Variants in DGKZ observed in about 807,000 individuals in gnomAD.
DGKZ encodes DAG kinase zeta.
Under a neutral mutation model 142.5 loss-of-function variants are expected in DGKZ, and 45 were observed. That is an observed-to-expected ratio of 0.32 (90% CI 0.25 to 0.40). The LOEUF (loss-of-function observed/expected upper bound fraction) is 0.40. Ranked by LOEUF, DGKZ falls within the 10% of genes least tolerant of loss-of-function variation. The probability of loss-of-function intolerance (pLI) is 1.00; values close to 1 mark genes in which losing one functional copy is unlikely to be tolerated. For missense variants in DGKZ, 755 were observed against 1,306.5 expected, an observed-to-expected ratio of 0.58 and a Z score of 6.51; for synonymous variants, 442 against 527.0, an observed-to-expected ratio of 0.84 and a Z score of 2.21.
At chr11:46,363,482 C>T (rs1942907524) in intron 1 of DGKZ, among the ~76,000 whole-genome samples, 1 of 152,168 alleles carries the variant, frequency 6.6e-6, no homozygotes, top group African/African-American at 2.4e-5. Context: ...CATCGGCCGC[C>T]GAGGAGACTC....
chr11:46,371,970 G>A (rs754809611), intron 9 of DGKZ, 105 bp from the exon 10 acceptor site: 10 of 1,273,820 alleles, frequency 7.9e-6, no homozygotes, highest in East Asian at 7.6e-5. Context: ...GAGATGGTAC[G>A]TGAGGGTACA....
At chr11:46,341,757 G>A (rs1940287476) in intron 1 of DGKZ, among the ~76,000 whole-genome samples, 1 of 152,122 alleles carries the variant, frequency 6.6e-6, no homozygotes, top group Admixed American at 6.6e-5. Flanking sequence ...ACCTAGGAGT[G>A]CAACATAGGC....
Position 46,378,232 on chromosome 11 carries a change from G to A in DGKZ, c.2374+3G>A. The A allele has an allele frequency of 1.2e-6, 2 of 1,606,850 alleles. No individual in the cohort carries two copies. Among genetic ancestry groups the A allele is most frequent in the South Asian group, 1.1e-5 (1 of 90,160 alleles). On this transcript the variant is annotated splice_donor_region_variant and intron_variant, in intron 26 of 30. Transcript: ENST00000527911. Reference sequence around the variant, plus strand: ...AGGGGATGCTGCACCCCCTCAAGGTGAGGCCTCTCCCTCTGGGGCCCCTCC... The same window carrying A: ...AGGGGATGCTGCACCCCCTCAAGGTAAGGCCTCTCCCTCTGGGGCCCCTCC...
At chr11:46,366,331 C>A in intron 1 of DGKZ, 1 of 1,563,508 alleles carries the variant, frequency 6.4e-7, no homozygotes, top group Non-Finnish European at 8.6e-7. Context: ...GGCCCAGCAG[C>A]GTGGGGCTGC....
At chr11:46,380,027 A>G in exon 31 of DGKZ, 1 of 1,367,020 alleles carries the variant, frequency 7.3e-7, no homozygotes, top group Non-Finnish European at 1.0e-6. Context: ...GCCACATTCC[A>G]GTGGGACGGC....
At position 46,368,040 on chromosome 11, in the gene DGKZ, G is replaced by T. The variant is rs779810520; in HGVS notation, c.405G>T (p.Lys135Asn). Residue 135 changes from lysine (K) to asparagine (N), a missense_variant, in exon 4 of 31, where the codon AAG becomes AAT. By Grantham distance (94) the Lys-to-Asn change is moderately conservative. Transcript: ENST00000527911. ...CTCGAAGAAAGTGCGCAGCCTGCAA[G>T]ATTGTGGTGCACACGCCCTGCATCG... 10 of 1,613,988 alleles carry T rather than the reference G, an allele frequency of 6.2e-6. No individual in the cohort carries two copies. In the East Asian group the frequency reaches 2.2e-4, roughly 36 times the overall value.
rs1349994130 is a variant in DGKZ, at chr11:46,366,668, A to G, written c.162-623A>G. 2.5e-6 allele frequency: 4 copies of G among 1,589,160 alleles called. No individual in the cohort carries two copies. The African/African-American group carries it at 5.4e-5, about 21-fold the overall frequency. On this transcript the variant is annotated intron_variant, in intron 1 of 30. Coordinates refer to ENST00000527911, the Ensembl canonical transcript of DGKZ. ...GGCATCGAGCGCCATCCAGCCAGGC[A>G]CCAAGACACCAGGGCCACCCCCACC...
chr11:46,379,467 A>G lies in DGKZ; in HGVS notation c.2587A>G (p.Ser863Gly). 4.4e-6 allele frequency: 7 copies of G among 1,608,668 alleles called. No homozygotes were observed. The highest frequency in any genetic ancestry group is 5.9e-6 in the Non-Finnish European group (7 of 1,178,138). Reference sequence around the variant, plus strand: ...GTACACAGCCAGCCCCTGCTCCCCCAGCGGGGAGACCTGTTTGCACCAAGC... The same window carrying G: ...GTACACAGCCAGCCCCTGCTCCCCCGGCGGGGAGACCTGTTTGCACCAAGC... The change falls in exon 30 of 31, where the codon AGC becomes GGC. Residue 863 changes from serine (S) to glycine (G), a missense_variant. Physicochemically the swap from Ser to Gly is moderately conservative, Grantham distance 56. Around this residue, in one of 8 missense-constraint regions of DGKZ, gnomAD observed 100 missense variants for 87.7 expected, o/e 1.14. Transcript: ENST00000527911.
exon 16 of DGKZ, chr11:46,374,420 A>G (rs759032833): frequency 1.9e-6 from 3 of 1,613,786 alleles, no homozygotes; most frequent in Non-Finnish European, 2.5e-6. Flanking sequence ...GAGAAATTCA[A>G]CAGCCGCTTT....
Position 46,378,451 on chromosome 11 carries a change from G to A in DGKZ, c.2375-6G>A, listed in dbSNP as rs544040980. The A allele has an allele frequency of 1.8e-5, 28 of 1,596,698 alleles. No homozygotes were observed. The highest frequency in any genetic ancestry group is 1.2e-4 in the Admixed American group (7 of 58,898). ...CTGCAGAGTAACAGGCAGGTATTCC[G>A]TGCAGGTGAAGAGCTGATTGAGGCT... is the stretch of plus-strand genomic sequence containing the variant. On this transcript the variant is annotated splice_region_variant and splice_polypyrimidine_tract_variant and intron_variant, in intron 26 of 30. Transcript: ENST00000527911.
chr11:46,350,022 G>A (rs960476576), intron 1 of DGKZ, among the ~76,000 whole-genome samples: 2 of 152,216 alleles, frequency 1.3e-5, no homozygotes, highest in Admixed American at 1.3e-4. Flanking sequence ...GCTGGGGAGT[G>A]TAAGTGCTCT....
At chr11:46,347,323 G>T, upstream of DGKZ, 1 of 984,990 alleles carries the variant, frequency 1.0e-6, no homozygotes, top group Non-Finnish European at 1.2e-6. The surrounding 1 kb of genome is among the most constrained non-coding windows in gnomAD (Gnocchi z 6.4). Context: ...CCCTCGGACC[G>T]CCCCAGCGGG....
intron 1 of DGKZ, among the ~76,000 whole-genome samples, 194 bp downstream of exon 1, chr11:46,348,014 G>C (rs1250877152): frequency 6.6e-6 from 1 of 152,172 alleles, no homozygotes; most frequent in Non-Finnish European, 1.5e-5. Flanking sequence ...GCCGGGACAC[G>C]GGCGGGATCG....
chr11:46,342,595 T>C (rs1042324617), upstream of DGKZ, among the ~76,000 whole-genome samples: 2 of 151,998 alleles, frequency 1.3e-5, no homozygotes, highest in African/African-American at 4.8e-5. Context: ...CCACAGCATA[T>C]AGAACCCATC....
chr11:46,375,982 G>A (rs202133346), intron 21 of DGKZ, 31 bp downstream of exon 21: 2 of 1,611,576 alleles, frequency 1.2e-6, no homozygotes, highest in Middle Eastern at 1.7e-4. Context: ...TGGCAGGGTG[G>A]CCAGGAGGGG....
In DGKZ at chr11:46,367,851, G is replaced by A; in HGVS notation, c.366+104G>A. The A allele has an allele frequency of 6.5e-7, 1 of 1,536,866 alleles. No individual in the cohort carries two copies. Among genetic ancestry groups the A allele is most frequent in the East Asian group, 2.3e-5 (1 of 44,148 alleles). On this transcript the variant is annotated intron_variant, in intron 3 of 30. Transcript: ENST00000527911. This position sits in a 1 kb window ranked among gnomAD's most constrained non-coding sequence, Gnocchi z 4.1. ...CCGCTCCCTGGCACCCCTGCTGTGG[G>A]CCGCCCCAGGATGGTGAGGGGTGCA...
intron 4 of DGKZ, 90 bp from the exon 5 acceptor site, chr11:46,369,404 A>G: frequency 6.6e-7 from 1 of 1,505,852 alleles, no homozygotes; most frequent in Non-Finnish European, 9.2e-7. Context: ...CCTTGTGAGG[A>G]TGACTCTGGG....
Position 46,369,873 on chromosome 11 carries a change from T to A in DGKZ, c.502-68T>A. 2.6e-6 allele frequency: 4 copies of A among 1,546,582 alleles called. No individual in the cohort carries two copies. The South Asian group carries it at 4.5e-5, about 17-fold the overall frequency. Reference sequence around the variant, plus strand: ...CTGCAGCCCCGTGTGTTGAGCCGTGTGGGCAGTCCTCAGGACTGTGCCCCT... The same window carrying A: ...CTGCAGCCCCGTGTGTTGAGCCGTGAGGGCAGTCCTCAGGACTGTGCCCCT... On this transcript the variant is annotated intron_variant, in intron 5 of 30. Coordinates refer to ENST00000527911, the Ensembl canonical transcript of DGKZ.
intron 1 of DGKZ, among the ~76,000 whole-genome samples, chr11:46,334,657 G>A (rs1939923470): frequency 6.6e-6 from 1 of 152,166 alleles, no homozygotes; most frequent in Non-Finnish European, 1.5e-5. Context: ...AGGTTCCCAT[G>A]GGCCCTACCT....
Sources: gnomAD v4.1 joint callset for allele counts (sites outside exome capture counted in the v4.1 genomes callset) on GRCh38, gnomAD v4.1.1 for gene constraint, gnomAD v4.1.1 regional missense constraint, Gnocchi (gnomAD v3.1) non-coding constraint, MANE v1.5 for transcripts, NCBI Gene and HGNC (gene_info 2026-07-23, HGNC 2026-07-21) for gene names.